CRK: variants seen among roughly 807,000 people sequenced by gnomAD.
CRK encodes adapter molecule crk.
CRK carries 4 observed loss-of-function variants against 29.8 expected under a neutral mutation model. That is an observed-to-expected ratio of 0.13 (90% CI 0.07 to 0.31). CRK has a LOEUF of 0.31. CRK is among the 10% of genes least tolerant of loss of function. The pLI is 1.00. For missense variants in CRK, 274 were observed against 396.5 expected (o/e 0.69, Z 2.62); for synonymous variants, 153 against 164.9 (o/e 0.93, Z 0.55).
chr17:1,426,852 A>ACT (rs10653892), intron 2 of CRK, among the ~76,000 whole-genome samples: 113,434 of 150,876 alleles, frequency 0.75, 43,265 homozygotes, highest in African/African-American at 0.88. Context: ...ACAGAGTTAC[A>ACT]CTGTCTCAAA....
At chr17:1,429,948 C>A (rs1236836872) in intron 2 of CRK, among the ~76,000 whole-genome samples, 1 of 151,318 alleles carries the variant, frequency 6.6e-6, no homozygotes, top group Admixed American at 6.6e-5. Flanking sequence ...AGAAAAACAA[C>A]CAAAAACACG....
chr17:1,428,587 G>C (rs1432175475), intron 2 of CRK, among the ~76,000 whole-genome samples: 1 of 135,322 alleles, frequency 7.4e-6, no homozygotes, highest in Non-Finnish European at 1.5e-5. Flanking sequence ...ACAGTGGCAT[G>C]ATCTCAGCTC....
At chr17:1,455,473 C>G (rs951216386) in intron 1 of CRK, among the ~76,000 whole-genome samples, 1 of 152,202 alleles carries the variant, frequency 6.6e-6, no homozygotes, top group African/African-American at 2.4e-5. Context: ...CGTTTCCAGC[C>G]TAAAAGCCAC....
intron 2 of CRK, among the ~76,000 whole-genome samples, chr17:1,431,734 T>C (rs942366763): frequency 6.6e-5 from 10 of 152,118 alleles, no homozygotes; most frequent in Non-Finnish European, 1.2e-4. Context: ...ACTACAGGCA[T>C]GTGCACCACA....
chr17:1,427,127 A>C (rs1435490869), intron 2 of CRK, among the ~76,000 whole-genome samples: 1 of 133,270 alleles, frequency 7.5e-6, no homozygotes, highest in East Asian at 2.2e-4. Context: ...GTGTCTCTTG[A>C]AAAAAAAAAA....
At chr17:1,427,366 G>A (rs968109940) in intron 2 of CRK, among the ~76,000 whole-genome samples, 3 of 151,680 alleles carry the variant, frequency 2.0e-5, no homozygotes, top group East Asian at 2.0e-4. Flanking sequence ...GGCTGAGGGC[G>A]GCAGATCATG....
chr17:1,427,072 A>AAAAAAAAAAG lies in CRK; in HGVS notation c.778-3423_778-3422insCTTTTTTTTT, dbSNP rs778793991. Among the ~76,000 whole-genome samples the AAAAAAAAAAG allele has an allele frequency of 5.9e-4, 54 of 92,074 alleles. 14 individuals are homozygous for AAAAAAAAAAG. Among genetic ancestry groups the AAAAAAAAAAG allele is most frequent in the East Asian group, 1.0e-3 (3 of 2,978 alleles). 60.4% of individuals were successfully genotyped at this position (92,074 alleles called of 152,430 possible). On this transcript the variant is annotated intron_variant, in intron 2 of 2. Transcript: ENST00000300574. ...AAAAAAAAAAAAAAAAAAAAAAAAA[A>AAAAAAAAAAG]GATTCTGACATGCCCCAGCCAGGCT...
chr17:1,455,455 G>A (rs2074048604), intron 1 of CRK, among the ~76,000 whole-genome samples: 1 of 152,188 alleles, frequency 6.6e-6, no homozygotes, highest in East Asian at 1.9e-4. Context: ...CTCCAACACG[G>A]CAGGAAACGT....
At chr17:1,451,139 G>C (rs1339985656) in intron 1 of CRK, among the ~76,000 whole-genome samples, 1 of 144,236 alleles carries the variant, frequency 6.9e-6, no homozygotes, top group East Asian at 2.1e-4. Flanking sequence ...CTTGCAGTGA[G>C]CCGAGGTCGT....
At position 1,429,627 on chromosome 17, in the gene CRK, T is replaced by TAA. The variant is rs35227536; in HGVS notation, c.778-5979_778-5978dup. Among the ~76,000 whole-genome samples, 700 of 146,730 alleles carry TAA rather than the reference T, an allele frequency of 4.8e-3. 9 individuals are homozygous for TAA. Among genetic ancestry groups the TAA allele is most frequent in the Non-Finnish European group, 8.4e-3 (561 of 66,602 alleles). ...CAGCACAGTGAAACTCTGTCTCTCT[T>TAA]AAAAAAAAAAAAAAGAGGCCAGACG... On this transcript the variant is annotated intron_variant, in intron 2 of 2. Transcript: ENST00000300574.
chr17:1,452,354 A>G (rs1028985406), intron 1 of CRK, among the ~76,000 whole-genome samples: 9 of 152,202 alleles, frequency 5.9e-5, no homozygotes, highest in Non-Finnish European at 1.3e-4. Context: ...GTCAATAAAC[A>G]TTAGTTATTA....
chr17:1,421,788 T>C lies in CRK; in HGVS notation c.*1725A>G, dbSNP rs1159766730. 1.3e-5 allele frequency: 2 copies of C among 152,206 alleles called. No homozygotes were observed. Among genetic ancestry groups the C allele is most frequent in the East Asian group, 1.9e-4 (1 of 5,198 alleles). The allele number at this position is 152,206 out of a possible 1,614,324, so 9.4% of individuals were successfully genotyped here. ...AATGTAAATTTATCATTTTAACCTA[T>C]GCAGAACAATTAGAAAGGCAGATTA... On this transcript the variant is annotated 3_prime_UTR_variant, in exon 3 of 3. Coordinates refer to ENST00000300574, the MANE Select transcript of CRK (RefSeq NM_016823.4).
intron 2 of CRK, among the ~76,000 whole-genome samples, chr17:1,429,926 A>C (rs1164387486): frequency 6.7e-6 from 1 of 148,308 alleles, no homozygotes; most frequent in Admixed American, 6.7e-5. Context: ...CCTGATCTCA[A>C]AAAAAAAAAA....
At chr17:1,432,766 G>C (rs2073856092) in intron 2 of CRK, among the ~76,000 whole-genome samples, 1 of 140,752 alleles carries the variant, frequency 7.1e-6, no homozygotes, top group Non-Finnish European at 1.5e-5. Flanking sequence ...AACAAAGCGA[G>C]ACTCCGTCTC....
chr17:1,433,194 A>C (rs1019156965), intron 2 of CRK, among the ~76,000 whole-genome samples: 1 of 152,204 alleles, frequency 6.6e-6, no homozygotes, highest in South Asian at 2.1e-4. Flanking sequence ...AAATGGTATC[A>C]ATGTTTGGAA....
At chr17:1,452,949 A>G (rs1402992127) in intron 1 of CRK, among the ~76,000 whole-genome samples, 1 of 152,078 alleles carries the variant, frequency 6.6e-6, no homozygotes, top group African/African-American at 2.4e-5. Flanking sequence ...CTACAAAAAA[A>G]TTTTCAACAG....
At chr17:1,432,694 A>G (rs1311478752) in intron 2 of CRK, among the ~76,000 whole-genome samples, 2 of 150,604 alleles carry the variant, frequency 1.3e-5, no homozygotes, top group South Asian at 2.1e-4. Flanking sequence ...GGAGAATGGC[A>G]TGAGCCCAGG....
At chr17:1,444,619 G>A (rs1398282999) in intron 1 of CRK, among the ~76,000 whole-genome samples, 7 of 142,396 alleles carry the variant, frequency 4.9e-5, no homozygotes, top group African/African-American at 1.3e-4. Context: ...ACCTGAGATC[G>A]GGAGTTCGAG....
rs375463605 is a variant in CRK, at chr17:1,436,997, C to T, written c.400G>A (p.Ala134Thr). 1 of 1,614,116 alleles carries T rather than the reference C, an allele frequency of 6.2e-7. No homozygotes were observed. ...TCAAAGAGGGCTCGCACATACTCCGCCTCCTCCTGCCTGAGAATCACTCCA... is the reference window on the plus strand; with the variant it reads ...TCAAAGAGGGCTCGCACATACTCCGTCTCCTCCTGCCTGAGAATCACTCCA... ...GSGVILRQEE[A>T]EYVRALFDFN... The change falls in exon 2 of 3, where the codon GCG becomes ACG. Residue 134 changes from alanine to threonine, a missense_variant. Coordinates refer to ENST00000300574, the MANE Select transcript of CRK (RefSeq NM_016823.4).
Sources: allele counts gnomAD v4.1 joint callset (sites outside exome capture counted in the v4.1 genomes callset), GRCh38; gene constraint gnomAD v4.1.1; transcripts MANE v1.5; gene names NCBI Gene and HGNC (gene_info 2026-07-23, HGNC 2026-07-21).